Variants in ARNT2 observed in about 807,000 individuals in gnomAD.
ARNT2 encodes aryl hydrocarbon receptor nuclear translocator 2, also known as ARNT protein 2.
A neutral mutation model predicts 91.7 loss-of-function variants in ARNT2; 36 were observed. That is an observed-to-expected ratio of 0.39 (90% confidence interval 0.30 to 0.52). The LOEUF is 0.52. Among genes scored for constraint, ARNT2 ranks in the 20% least tolerant of loss-of-function variants. The pLI, the probability that ARNT2 is intolerant of heterozygous loss-of-function variation, is 0.72. For synonymous variants in ARNT2, 365 were observed against 347.1 expected (o/e 1.05, Z -0.57); for missense variants, 775 against 939.3 (o/e 0.83, Z 2.29).
chr15:80,446,503 C>T (rs1309218760), intron 1 of ARNT2, among the ~76,000 whole-genome samples: 1 of 152,136 alleles, frequency 6.6e-6, no homozygotes, highest in Non-Finnish European at 1.5e-5. Context: ...ACATCTCTTG[C>T]CACCCCAGGG....
chr15:80,515,373 A>C (rs1897416454), intron 8 of ARNT2, among the ~76,000 whole-genome samples: 1 of 152,248 alleles, frequency 6.6e-6, no homozygotes, highest in African/African-American at 2.4e-5. Flanking sequence ...AAAATGTGGT[A>C]TATTCTTGTA....
At chr15:80,446,043 G>A (rs1161139136) in intron 1 of ARNT2, among the ~76,000 whole-genome samples, 3 of 152,040 alleles carry the variant, frequency 2.0e-5, no homozygotes, top group African/African-American at 4.8e-5. Flanking sequence ...ATGTGCTTAC[G>A]CTGTGCCAGG....
In ARNT2 at chr15:80,508,261, C is replaced by G. The variant is rs1407151930; in HGVS notation, c.725+3C>G. On this transcript the variant is annotated splice_donor_region_variant and intron_variant, in intron 6 of 18. Transcript: ENST00000303329. ...CGGTCTTTCATCTGCAGGATGAGGT[C>G]TGTTTTGGGGGAGCAGCAGGCCATC... 2 of 1,613,794 alleles carry G rather than the reference C, an allele frequency of 1.2e-6. No homozygotes were observed. The highest frequency in any genetic ancestry group is 2.2e-5 in the South Asian group (2 of 91,074).
At chr15:80,464,958 T>C (rs894679862) in intron 3 of ARNT2, among the ~76,000 whole-genome samples, 45 of 152,278 alleles carry the variant, frequency 3.0e-4, no homozygotes, top group African/African-American at 9.9e-4. Context: ...CCAGGCTACC[T>C]CTGAAGGCCA....
At position 80,518,572 on chromosome 15, in the gene ARNT2, C is replaced by G. The variant is rs993928170; in HGVS notation, c.877+4167C>G. 3.3e-5 allele frequency among the ~76,000 whole-genome samples: 5 copies of G among 152,184 alleles called. No homozygotes were observed. In the South Asian group the frequency reaches 8.3e-4, roughly 25 times the overall value. ...GGGATTATAGGCAGGAACCATGGCT[C>G]CTGGCTCAAAGAGCTTTTTCTTAAA... On this transcript the variant is annotated intron_variant, in intron 8 of 18. Transcript: ENST00000303329.
rs1897396267 is a variant in ARNT2, at chr15:80,514,373, G to A, written c.845G>A (p.Cys282Tyr). 6.2e-7 allele frequency: 1 copy of A among 1,614,110 alleles called. No homozygotes were observed. The highest frequency in any genetic ancestry group is 1.7e-5 in the Admixed American group (1 of 60,006). Residue 282 changes from cysteine (C) to tyrosine (Y), a missense_variant, in exon 8 of 19, where the codon TGT (cysteine) becomes TAT (tyrosine). Around this residue, in one of 5 missense-constraint regions of ARNT2, gnomAD observed 285 missense variants for 327.2 expected, o/e 0.87. Transcript: ENST00000303329. ...EGEAQYAVVH[C>Y]TGYIKAWPPA... ...GAAGCCCAATATGCTGTGGTCCACT[G>A]TACAGGATACATCAAGGCCTGGCCA...
rs547909047 is a variant in ARNT2 at position 80,421,738 on chromosome 15, T to C, written c.31+17192T>C. Among the ~76,000 whole-genome samples the C allele has an allele frequency of 5.3e-5, 8 of 152,312 alleles. No homozygotes were observed. In the East Asian group the frequency reaches 1.5e-3, roughly 29 times the overall value. On this transcript the variant is annotated intron_variant, in intron 1 of 18. Coordinates refer to ENST00000303329, the MANE Select transcript of ARNT2 (RefSeq NM_014862.4). ...TTTTGAGGAAGGTGCACCTTTTTCC[T>C]AGGGTATTTACGACACCTTGGGCCT...
At chr15:80,514,432 C>T (rs1032583595) in intron 8 of ARNT2, 27 bp downstream of exon 8, 5 of 1,603,542 alleles carry the variant, frequency 3.1e-6, no homozygotes, top group South Asian at 1.1e-5. Context: ...GTAAATTCCA[C>T]GGGAACTGGG....
chr15:80,587,838 C>A (rs1241590758), intron 17 of ARNT2, among the ~76,000 whole-genome samples: 1 of 152,156 alleles, frequency 6.6e-6, no homozygotes, highest in Non-Finnish European at 1.5e-5. Context: ...GGGGGACATG[C>A]AAGTATTGTC....
At chr15:80,446,505 AC>A (rs1896306956) in intron 1 of ARNT2, among the ~76,000 whole-genome samples, 1 of 152,052 alleles carries the variant, frequency 6.6e-6, no homozygotes, top group South Asian at 2.1e-4. Context: ...ATCTCTTGCC[AC>A]CCCAGGGAAG....
At chr15:80,431,358 G>A (rs1896006852) in intron 1 of ARNT2, among the ~76,000 whole-genome samples, 1 of 152,124 alleles carries the variant, frequency 6.6e-6, no homozygotes, top group Non-Finnish European at 1.5e-5. Flanking sequence ...GGCCAGATCA[G>A]ATCCACCCCC....
intron 14 of ARNT2, among the ~76,000 whole-genome samples, 185 bp from the exon 15 acceptor site, chr15:80,576,681 C>T (rs1898681672): frequency 2.0e-5 from 3 of 152,218 alleles, no homozygotes; most frequent in African/African-American, 7.2e-5. Flanking sequence ...CCTTCATATG[C>T]CAGGGAGGCT....
intron 5 of ARNT2, among the ~76,000 whole-genome samples, chr15:80,505,423 A>G (rs1897259871): frequency 6.6e-6 from 1 of 152,240 alleles, no homozygotes; most frequent in Non-Finnish European, 1.5e-5. Context: ...AAAGATACAC[A>G]GGAAGTAGAA....
chr15:80,596,614 C>A lies in ARNT2; in HGVS notation c.*2916C>A, dbSNP rs1291102563. On this transcript the variant is annotated 3_prime_UTR_variant, in exon 19 of 19. Coordinates refer to ENST00000303329, the MANE Select transcript of ARNT2 (RefSeq NM_014862.4). ...GTCTGCTTGTCCTTCAGCCCATGCC[C>A]AGCAGATACCTCTCTGACTGGAGAC... The A allele has an allele frequency of 6.5e-6, 1 of 153,398 alleles. No homozygotes were observed. The highest frequency in any genetic ancestry group is 1.5e-5 in the Non-Finnish European group (1 of 68,880). 9.5% of individuals were successfully genotyped at this position (153,398 alleles called of 1,614,324 possible).
intron 5 of ARNT2, among the ~76,000 whole-genome samples, chr15:80,485,838 G>A (rs1367682031): frequency 6.6e-6 from 1 of 152,218 alleles, no homozygotes; most frequent in African/African-American, 2.4e-5. Flanking sequence ...GGTATTCAAG[G>A]TTAGGAGGAT....
At chr15:80,432,936 TGAAAA>T (rs1434849561) in intron 1 of ARNT2, among the ~76,000 whole-genome samples, 2 of 152,202 alleles carry the variant, frequency 1.3e-5, no homozygotes, top group Non-Finnish European at 2.9e-5. Flanking sequence ...TTAACTGCTT[TGAAAA>T]GAAAACAGAT....
At chr15:80,470,813 C>G (rs1002538393) in intron 4 of ARNT2, among the ~76,000 whole-genome samples, 1 of 152,186 alleles carries the variant, frequency 6.6e-6, no homozygotes, top group Non-Finnish European at 1.5e-5. Context: ...AAGTGCAAAT[C>G]AAAACCACTA....
chr15:80,575,622 G>A (rs1898660997), intron 14 of ARNT2, among the ~76,000 whole-genome samples: 1 of 152,240 alleles, frequency 6.6e-6, no homozygotes, highest in South Asian at 2.1e-4. Context: ...GGCTGTGGGT[G>A]AGCCTGTGGG....
chr15:80,535,891 T>C (rs575649524), intron 8 of ARNT2, among the ~76,000 whole-genome samples: 1 of 152,306 alleles, frequency 6.6e-6, no homozygotes. Context: ...CTGTGGTGTT[T>C]GTTGTTTTGT....
Sources: gnomAD v4.1 joint callset for allele counts (sites outside exome capture counted in the v4.1 genomes callset) on GRCh38, gnomAD v4.1.1 for gene constraint, gnomAD v4.1.1 regional missense constraint, MANE v1.5 for transcripts, NCBI Gene and HGNC (gene_info 2026-07-23, HGNC 2026-07-21) for gene names.